PTBP2: variants seen among roughly 807,000 people sequenced by gnomAD.
PTBP2 encodes the protein polypyrimidine tract-binding protein 2.
In PTBP2, 13 loss-of-function variants were observed where a neutral mutation model predicts 61.4. That is an observed-to-expected ratio of 0.21 (90% CI 0.14 to 0.34). The LOEUF is 0.34. Ranked by LOEUF, PTBP2 falls within the 10% of genes least tolerant of loss-of-function variation. The pLI is 1.00. For missense variants in PTBP2, 405 were observed against 642.6 expected, an observed-to-expected ratio of 0.63 and a Z score of 4.00; for synonymous variants, 215 against 218.5, an observed-to-expected ratio of 0.98 and a Z score of 0.14.
intron 7 of PTBP2, 94 bp from the exon 8 acceptor site, chr1:96,784,965 A>G (rs1156571600): frequency 3.8e-6 from 4 of 1,051,092 alleles, no homozygotes; most frequent in Non-Finnish European, 5.4e-6. Context: ...TTTAAGTTCG[A>G]GTTTTTGTTG....
intron 5 of PTBP2, 114 bp from the exon 6 acceptor site, chr1:96,777,471 A>G: frequency 1.2e-6 from 1 of 844,900 alleles, no homozygotes. Context: ...GGGGCCATTT[A>G]ATTTTGTTTA....
intron 2 of PTBP2, chr1:96,751,180 A>C (rs1553175866): frequency 3.7e-6 from 2 of 534,554 alleles, no homozygotes; most frequent in Non-Finnish European, 3.4e-6. Context: ...TATAGAATCT[A>C]ATCACTTTTT....
At chr1:96,722,541 A>G (rs1421295777) in intron 1 of PTBP2, among the ~76,000 whole-genome samples, 1 of 152,172 alleles carries the variant, frequency 6.6e-6, no homozygotes, top group Non-Finnish European at 1.5e-5. Context: ...GGAGGAAAAA[A>G]TGCCTTTTTG....
intron 11 of PTBP2, among the ~76,000 whole-genome samples, chr1:96,811,308 G>T (rs998456280): frequency 6.6e-6 from 1 of 152,102 alleles, no homozygotes; most frequent in Non-Finnish European, 1.5e-5. Context: ...GTGTCAAAAT[G>T]TATACTGTAG....
At chr1:96,726,610 T>C (rs1358655175) in intron 2 of PTBP2, among the ~76,000 whole-genome samples, 1 of 152,108 alleles carries the variant, frequency 6.6e-6, no homozygotes, top group African/African-American at 2.4e-5. Context: ...GCTTCTTTTT[T>C]GTATATTCAG....
chr1:96,749,525 T>G (rs544760173), intron 2 of PTBP2: 27 of 359,826 alleles, frequency 7.5e-5, no homozygotes, highest in African/African-American at 5.3e-4. Flanking sequence ...TGTTTCTTAC[T>G]TTTAGAATAT....
Position 96,813,041 on chromosome 1 carries a change from A to C in PTBP2, c.1401A>C (p.Ala467=). The C allele has an allele frequency of 1.2e-6, 2 of 1,613,042 alleles. No individual in the cohort carries two copies. Among genetic ancestry groups the C allele is most frequent in the Non-Finnish European group, 1.7e-6 (2 of 1,179,212 alleles). Reference sequence around the variant, plus strand: ...TCAATTTTCCTAGTCCATCAGTAGCAGAAGAGGATCTACGAACACTGTTCG... The same window carrying C: ...TCAATTTTCCTAGTCCATCAGTAGCCGAAGAGGATCTACGAACACTGTTCG... ...LHLSNIPPSV[A]EEDLRTLFAN... Residue 467 remains alanine (A), a synonymous_variant, in exon 13 of 14, where the codon GCA becomes GCC. Transcript: ENST00000674951.
At chr1:96,772,493 A>G (rs1339419869) in intron 5 of PTBP2, among the ~76,000 whole-genome samples, 18 of 152,160 alleles carry the variant, frequency 1.2e-4, no homozygotes, top group Admixed American at 1.2e-3. Context: ...AGTAGTTGCC[A>G]TGCTGTGCGG....
chr1:96,762,248 A>C (rs1420248129), intron 3 of PTBP2, among the ~76,000 whole-genome samples: 3 of 148,506 alleles, frequency 2.0e-5, no homozygotes, highest in Non-Finnish European at 3.0e-5. Context: ...TGTTGGGTAC[A>C]CCTCCCAGAC....
rs760149451 is a variant in PTBP2, at chr1:96,813,434, T to A, written c.*29T>A. 7 of 1,545,226 alleles carry A rather than the reference T, an allele frequency of 4.5e-6. No individual in the cohort carries two copies. The East Asian group carries it at 1.6e-4, about 35-fold the overall frequency. On this transcript the variant is annotated 3_prime_UTR_variant, in exon 14 of 14. Coordinates refer to ENST00000674951, the MANE Select transcript of PTBP2 (RefSeq NM_021190.4). ...TGGGAAGATGAAGATTGGGGGTGAA[T>A]CACATTGTTCAATGTCATCACCTAT...
chr1:96,780,649 C>T (rs1028704140), intron 7 of PTBP2, among the ~76,000 whole-genome samples: 5 of 152,090 alleles, frequency 3.3e-5, no homozygotes, highest in African/African-American at 9.6e-5. Flanking sequence ...CTATTTCTTC[C>T]TTGTCTTGTA....
chr1:96,788,568 T>C (rs1248987313), intron 8 of PTBP2, among the ~76,000 whole-genome samples: 1 of 152,036 alleles, frequency 6.6e-6, no homozygotes, highest in Non-Finnish European at 1.5e-5. Flanking sequence ...TTGGTGGGAT[T>C]AACTTCCTGC....
chr1:96,730,667 A>G lies in PTBP2; in HGVS notation c.39+7073A>G, dbSNP rs560343615. Among the ~76,000 whole-genome samples, 78 of 152,252 alleles carry G rather than the reference A, an allele frequency of 5.1e-4. 3 individuals are homozygous for G. In the South Asian group the frequency reaches 0.016, roughly 31 times the overall value. On this transcript the variant is annotated intron_variant, in intron 2 of 13. Transcript: ENST00000674951. ...CTGATGATTCTCTGCAGATTTGGAG[A>G]AATCTCTGTGCAGTTCTTTTCTCTG...
chr1:96,741,021 T>C (rs1557696290), intron 2 of PTBP2, among the ~76,000 whole-genome samples: 1 of 152,172 alleles, frequency 6.6e-6, no homozygotes, highest in African/African-American at 2.4e-5. Context: ...TAGGTAATTA[T>C]ATTAATTATA....
intron 10 of PTBP2, 36 bp from the exon 11 acceptor site, chr1:96,806,830 C>G (rs1377960019): frequency 1.3e-6 from 2 of 1,504,084 alleles, no homozygotes; most frequent in African/African-American, 1.4e-5. Context: ...AAAATTAATT[C>G]CATTTTTGGA....
At chr1:96,784,169 T>C (rs750829878) in intron 7 of PTBP2, among the ~76,000 whole-genome samples, 7 of 152,114 alleles carry the variant, frequency 4.6e-5, no homozygotes, top group African/African-American at 7.2e-5. Flanking sequence ...TTCCAGCTTA[T>C]ATCCAGCTGA....
intron 8 of PTBP2, among the ~76,000 whole-genome samples, chr1:96,786,760 A>G (rs1236587284): frequency 1.3e-5 from 2 of 152,204 alleles, no homozygotes; most frequent in Non-Finnish European, 1.5e-5. Context: ...CATCAAAGAA[A>G]CAATTTAAAG....
chr1:96,738,732 T>A (rs1290309863), intron 2 of PTBP2, among the ~76,000 whole-genome samples: 1 of 152,204 alleles, frequency 6.6e-6, no homozygotes, highest in African/African-American at 2.4e-5. Context: ...TATGTACAAT[T>A]CAAATATATG....
chr1:96,756,030 A>G (rs1655117043), intron 3 of PTBP2, among the ~76,000 whole-genome samples: 1 of 152,250 alleles, frequency 6.6e-6, no homozygotes, highest in Non-Finnish European at 1.5e-5. Context: ...ATGTGGAGCA[A>G]CAGGAACTCT....
Sources: allele counts gnomAD v4.1 joint callset (sites outside exome capture counted in the v4.1 genomes callset), GRCh38; gene constraint gnomAD v4.1.1; transcripts MANE v1.5; gene names NCBI Gene and HGNC (gene_info 2026-07-23, HGNC 2026-07-21).